LRRC37A2: variants seen among roughly 807,000 people sequenced by gnomAD.
LRRC37A2 encodes the protein leucine-rich repeat-containing protein 37A2.
Under a neutral mutation model 68.8 loss-of-function variants are expected in LRRC37A2, and 9 were observed. The observed-to-expected ratio is 0.13, with a 90% CI of 0.08 to 0.23. The LOEUF (loss-of-function observed/expected upper bound fraction) is 0.23, where lower values mean the gene tolerates loss of function less well. LRRC37A2 is among the 10% of genes least tolerant of loss of function. The probability of loss-of-function intolerance (pLI) is 1.00; values close to 1 mark genes in which losing one functional copy is unlikely to be tolerated. For synonymous variants in LRRC37A2, 63 were observed against 367.6 expected (o/e 0.17, Z 9.48); for missense variants, 168 against 950.4 (o/e 0.18, Z 10.82).
chr17:47,017,895 T>G, the LRRC37A2 span: 1 of 1,612,276 alleles, frequency 6.2e-7, no homozygotes, highest in East Asian at 2.2e-5. Flanking sequence ...AGACATCCAG[T>G]CCTCTTCACT....
At chr17:46,716,571 T>C in the LRRC37A2 span, among the ~76,000 whole-genome samples, 1 of 152,134 alleles carries the variant, frequency 6.6e-6, no homozygotes, top group Non-Finnish European at 1.5e-5. Context: ...CCTCCATTTT[T>C]AGTGTGAGGA....
chr17:46,905,985 G>A, the LRRC37A2 span, among the ~76,000 whole-genome samples: 9 of 152,200 alleles, frequency 5.9e-5, no homozygotes, highest in African/African-American at 1.2e-4. Flanking sequence ...GGGCAGGGCC[G>A]GATATGGGCT....
the LRRC37A2 span, among the ~76,000 whole-genome samples, chr17:46,740,718 A>G: frequency 1.3e-5 from 2 of 151,074 alleles, no homozygotes; most frequent in Non-Finnish European, 2.9e-5. Context: ...CTGGAGTACA[A>G]TGGCACGATT....
the LRRC37A2 span, among the ~76,000 whole-genome samples, chr17:46,927,518 G>A: frequency 2.0e-5 from 3 of 152,142 alleles, no homozygotes; most frequent in African/African-American, 7.2e-5. Flanking sequence ...TTTGAAAGCT[G>A]CTCTGCTTTT....
At chr17:46,392,423 T>TC in the LRRC37A2 span, among the ~76,000 whole-genome samples, 6 of 50,612 alleles carry the variant, frequency 1.2e-4, no homozygotes, top group East Asian at 7.9e-4. Context: ...CTCTCTCTCT[T>TC]TCTTTCTCTC....
the LRRC37A2 span, chr17:46,935,320 GGAGTT>G: frequency 2.6e-6 from 4 of 1,515,258 alleles, no homozygotes; most frequent in African/African-American, 4.2e-5. Flanking sequence ...CCTTTCTGTT[GGAGTT>G]GAGTTATTGT....
the LRRC37A2 span, among the ~76,000 whole-genome samples, chr17:46,676,231 TTC>T: frequency 5.0e-5 from 7 of 140,700 alleles, no homozygotes; most frequent in South Asian, 2.2e-4. Flanking sequence ...GGAATTCTTC[TTC>T]TTTTTTTTTT....
At chr17:46,966,693 A>G in the LRRC37A2 span, 5 of 520,398 alleles carry the variant, frequency 9.6e-6, no homozygotes, top group East Asian at 3.2e-5. Context: ...CTCTGGTTCT[A>G]TCAACTATTA....
chr17:46,938,392 T>C, the LRRC37A2 span, among the ~76,000 whole-genome samples: 1 of 152,208 alleles, frequency 6.6e-6, no homozygotes, highest in South Asian at 2.1e-4. Context: ...AAGACTTTTC[T>C]TTCCACTTAG....
At chr17:46,707,583 A>G in the LRRC37A2 span, among the ~76,000 whole-genome samples, 2 of 152,122 alleles carry the variant, frequency 1.3e-5, no homozygotes, top group African/African-American at 4.8e-5. Flanking sequence ...TCTACTGTCC[A>G]TCTTTATGAA....
At chr17:46,835,213 T>C in the LRRC37A2 span, among the ~76,000 whole-genome samples, 1 of 151,884 alleles carries the variant, frequency 6.6e-6, no homozygotes, top group Non-Finnish European at 1.5e-5. Flanking sequence ...TGTCCCTTAT[T>C]CTTTTTTTTC....
At chr17:46,909,524 G>A in the LRRC37A2 span, among the ~76,000 whole-genome samples, 2 of 151,988 alleles carry the variant, frequency 1.3e-5, no homozygotes, top group Admixed American at 1.3e-4. Flanking sequence ...TACTGTCTTC[G>A]AAAGCCAGTG....
the LRRC37A2 span, chr17:46,821,011 G>A: frequency 6.6e-6 from 1 of 152,234 alleles, no homozygotes; most frequent in African/African-American, 2.4e-5. Flanking sequence ...CAAAAGATCC[G>A]AGGCTGTCGG....
the LRRC37A2 span, among the ~76,000 whole-genome samples, chr17:47,014,096 AAAAC>A: frequency 4.0e-5 from 6 of 150,994 alleles, no homozygotes; most frequent in African/African-American, 1.5e-4. Flanking sequence ...TCCATCTCAA[AAAAC>A]AAACAAACAG....
chr17:46,833,179 T>C, the LRRC37A2 span: 4 of 368,392 alleles, frequency 1.1e-5, 1 homozygote, highest in South Asian at 8.0e-5. Context: ...AGTGACATGG[T>C]GCTCTCAGCA....
chr17:47,010,987 C>T, the LRRC37A2 span, among the ~76,000 whole-genome samples: 1 of 152,096 alleles, frequency 6.6e-6, no homozygotes, highest in African/African-American at 2.4e-5. Flanking sequence ...ATTTTATCAG[C>T]TCTAGGGGTA....
chr17:46,543,367 C>T (rs549531203), intron 8 of LRRC37A2, among the ~76,000 whole-genome samples: 1 of 150,772 alleles, frequency 6.6e-6, no homozygotes, highest in East Asian at 1.9e-4. Context: ...TACTTTAAAA[C>T]AATCCTGGGA....
At chr17:46,825,674 C>T in the LRRC37A2 span, among the ~76,000 whole-genome samples, 1 of 152,216 alleles carries the variant, frequency 6.6e-6, no homozygotes, top group Admixed American at 6.5e-5. Context: ...AAGGAACTTG[C>T]CATCTGCTGG....
the LRRC37A2 span, among the ~76,000 whole-genome samples, chr17:47,002,392 T>A: frequency 2.2e-3 from 325 of 150,948 alleles, 3 homozygotes; most frequent in African/African-American, 3.1e-3. Context: ...ATTTTTATTT[T>A]TTTTTTTTAG....
Sources: gnomAD v4.1 joint callset for allele counts (sites outside exome capture counted in the v4.1 genomes callset) on GRCh38, gnomAD v4.1.1 for gene constraint, MANE v1.5 for transcripts, NCBI Gene and HGNC (gene_info 2026-07-23, HGNC 2026-07-21) for gene names.